Variants in MON1B observed in about 807,000 individuals in gnomAD.
MON1B encodes MON1 vesicular trafficking associated B, also known as vacuolar fusion protein MON1 homolog B.
Under a neutral mutation model 45.1 loss-of-function variants are expected in MON1B, and 26 were observed. The ratio of observed to expected loss-of-function variants is 0.58; its 90% CI spans 0.42 to 0.80. MON1B has a LOEUF of 0.80. MON1B is among the 30% of genes least tolerant of loss of function. The pLI, the probability that MON1B is intolerant of heterozygous loss-of-function variation, is 0.00. For missense variants in MON1B, 737 were observed against 754.5 expected, an observed-to-expected ratio of 0.98 and a Z score of 0.27; for synonymous variants, 395 against 320.2, an observed-to-expected ratio of 1.23 and a Z score of -2.49.
At position 77,201,029 on chromosome 16, in the gene MON1B, A is replaced by G. The variant is rs1311493953; in HGVS notation, c.*2721A>G. 6.6e-6 allele frequency: 1 copy of G among 152,200 alleles called. No individual in the cohort carries two copies. Among genetic ancestry groups the G allele is most frequent in the East Asian group, 1.9e-4 (1 of 5,188 alleles). 9.4% of individuals were successfully genotyped at this position (152,200 alleles called of 1,614,324 possible). ...CATCCTGCCAGACCTACCCATACAG[A>G]CATCAAAGTAATGATTATTGCTTAT... On this transcript the variant is annotated 3_prime_UTR_variant, in exon 6 of 6. Transcript: ENST00000248248.
chr16:77,191,191 A>G lies in MON1B; in HGVS notation c.-78A>G. On this transcript the variant is annotated 5_prime_UTR_variant, in exon 1 of 6. Transcript: ENST00000248248. ...TGGCACCTCCCGGGCCGCACCCGGAAGTGTGATGCCACCGCCGCTACGGGG... is the reference window on the plus strand; with the variant it reads ...TGGCACCTCCCGGGCCGCACCCGGAGGTGTGATGCCACCGCCGCTACGGGG... The G allele has an allele frequency of 6.5e-7, 1 of 1,535,496 alleles. No homozygotes were observed.
At position 77,202,278 on chromosome 16, in the gene MON1B, T is replaced by C. The variant is rs1044604240; in HGVS notation, c.*3970T>C. On this transcript the variant is annotated 3_prime_UTR_variant, in exon 6 of 6. Coordinates refer to ENST00000248248, the MANE Select transcript of MON1B (RefSeq NM_014940.4). Reference sequence around the variant, plus strand: ...AGTGGGTCAAGATGTCTGCAACTTATTGTTCAGAATCACTCACAAATGGGA... The same window carrying C: ...AGTGGGTCAAGATGTCTGCAACTTACTGTTCAGAATCACTCACAAATGGGA... 1 of 152,192 alleles carries C rather than the reference T, an allele frequency of 6.6e-6. No homozygotes were observed. The highest frequency in any genetic ancestry group is 2.4e-5 in the African/African-American group (1 of 41,446). The allele number at this position is 152,192 out of a possible 1,614,324, so 9.4% of individuals were successfully genotyped here. A position where few individuals can be genotyped will look rare whatever the true frequency, so the allele number is the denominator to read the frequency against.
rs375550947 is a variant in MON1B, at chr16:77,191,580, G to A, written c.95G>A (p.Gly32Glu). The change falls in exon 2 of 6, where the codon GGA (glycine) becomes GAA (glutamate). Residue 32 changes from glycine to glutamate, a missense_variant. Transcript: ENST00000248248. Reference sequence around the variant, plus strand: ...CCCAGTGAGGAAGCTAGAGAAGGTGGAGGGGTTCACGCGGTCCCGCCGGAT... The same window carrying A: ...CCCAGTGAGGAAGCTAGAGAAGGTGAAGGGGTTCACGCGGTCCCGCCGGAT... Reference protein sequence around the residue: ...QFPSEEAREGGGVHAVPPDPE... With the variant: ...QFPSEEAREGEGVHAVPPDPE... The A allele has an allele frequency of 5.6e-6, 9 of 1,610,620 alleles. No individual in the cohort carries two copies. The highest frequency in any genetic ancestry group is 7.6e-6 in the Non-Finnish European group (9 of 1,179,110).
chr16:77,195,206 G>C (rs2054653562), intron 4 of MON1B, 52 bp downstream of exon 4: 15 of 1,448,038 alleles, frequency 1.0e-5, no homozygotes, highest in Non-Finnish European at 1.4e-5. Context: ...TGTCAAACCA[G>C]GAAGTTCAGC....
rs115380500 is a variant in MON1B at position 77,195,990 on chromosome 16, G to A, written c.1443+308G>A. On this transcript the variant is annotated intron_variant, in intron 5 of 5. Coordinates refer to ENST00000248248, the MANE Select transcript of MON1B (RefSeq NM_014940.4). Reference sequence around the variant, plus strand: ...CACTGCTGTGCCTGCCGATTCCCCAGTAGCCCAATCCATGTGTTTGGAGGC... The same window carrying A: ...CACTGCTGTGCCTGCCGATTCCCCAATAGCCCAATCCATGTGTTTGGAGGC... Among the ~76,000 whole-genome samples, 686 of 152,298 alleles carry A rather than the reference G, an allele frequency of 4.5e-3. 4 individuals carry two copies. Among genetic ancestry groups the A allele is most frequent in the African/African-American group, 0.016 (647 of 41,558 alleles).
At chr16:77,196,837 A>G (rs2054670099) in intron 5 of MON1B, among the ~76,000 whole-genome samples, 1 of 152,094 alleles carries the variant, frequency 6.6e-6, no homozygotes, top group Non-Finnish European at 1.5e-5. Flanking sequence ...TTCTATCAAT[A>G]TTGTCTCATG....
In MON1B at chr16:77,198,825, C is replaced by CT. The variant is rs1011342212; in HGVS notation, c.*523dup. ...AGGATATTCCTTTGCCCTTCTTGTA[C>CT]TTTTTTCATCTTTACCCTGCCAGAA... is the stretch of plus-strand genomic sequence containing the variant. On this transcript the variant is annotated 3_prime_UTR_variant, in exon 6 of 6. Coordinates refer to ENST00000248248, the MANE Select transcript of MON1B (RefSeq NM_014940.4). The CT allele has an allele frequency of 6.0e-6, 1 of 165,714 alleles. No individual in the cohort carries two copies. Among genetic ancestry groups the CT allele is most frequent in the East Asian group, 1.7e-4 (1 of 5,928 alleles). 10.3% of individuals were successfully genotyped at this position (165,714 alleles called of 1,614,324 possible).
intron 2 of MON1B, 66 bp downstream of exon 2, chr16:77,191,699 G>T (rs2054616931): frequency 2.0e-6 from 3 of 1,515,350 alleles, no homozygotes; most frequent in Non-Finnish European, 1.8e-6. Context: ...GACGGGGGAA[G>T]GGTCAGTGGG....
rs1453794700 is a variant in MON1B, at chr16:77,191,500, A to C, written c.15A>C (p.Gly5=). The C allele has an allele frequency of 6.2e-7, 1 of 1,604,196 alleles. No homozygotes were observed. The highest frequency in any genetic ancestry group is 1.3e-5 in the African/African-American group (1 of 74,192). The part of the protein sequence containing the change: MEVG[G]DTAAPAPGGA... ...GGGATGTGCAGATGGAGGTCGGAGG[A>C]GACACTGCTGCCCCGGCCCCCGGGG... is the stretch of plus-strand genomic sequence containing the variant. The change falls in exon 2 of 6, where the codon GGA becomes GGC. Residue 5 remains glycine, a synonymous_variant. Coordinates refer to ENST00000248248, the MANE Select transcript of MON1B (RefSeq NM_014940.4).
rs2054708996 is a variant in MON1B, at chr16:77,199,644, G to A, written c.*1336G>A. 1.3e-6 allele frequency: 1 copy of A among 771,738 alleles called. No homozygotes were observed. The highest frequency in any genetic ancestry group is 2.1e-6 in the Non-Finnish European group (1 of 483,552). 47.8% of individuals were successfully genotyped at this position (771,738 alleles called of 1,614,324 possible). ...ATAAAATGTTAAGCCTTTTGTTATT[G>A]AAGAAAAACAATTTTTTAACCGTTC... is the stretch of plus-strand genomic sequence containing the variant. On this transcript the variant is annotated 3_prime_UTR_variant, in exon 6 of 6. Coordinates refer to ENST00000248248, the MANE Select transcript of MON1B (RefSeq NM_014940.4).
rs187150885 is a variant in MON1B, at chr16:77,202,011, G to C, written c.*3703G>C. The C allele has an allele frequency of 6.6e-6, 1 of 152,140 alleles. No individual in the cohort carries two copies. The highest frequency in any genetic ancestry group is 1.5e-5 in the Non-Finnish European group (1 of 68,026). The allele number at this position is 152,140 out of a possible 1,614,324, so 9.4% of individuals were successfully genotyped here. ...ACTCTGGACAAGGAATTTGGATTTT[G>C]GGAGTAGTGCAGAGGTAGAGGCATT... On this transcript the variant is annotated 3_prime_UTR_variant, in exon 6 of 6. Coordinates refer to ENST00000248248, the MANE Select transcript of MON1B (RefSeq NM_014940.4).
intron 5 of MON1B, 104 bp downstream of exon 5, chr16:77,195,786 C>T (rs2054659807): frequency 7.0e-7 from 1 of 1,428,928 alleles, no homozygotes; most frequent in Non-Finnish European, 9.6e-7. Flanking sequence ...CACAGCAGGC[C>T]TCTGGCTGGG....
In MON1B at chr16:77,194,966, G is replaced by C. The variant is rs761980981; in HGVS notation, c.1107G>C (p.Leu369=). 1 of 1,613,924 alleles carries C rather than the reference G, an allele frequency of 6.2e-7. No individual in the cohort carries two copies. The highest frequency in any genetic ancestry group is 1.7e-4 in the Middle Eastern group (1 of 6,060). ...ATGCCATGGCCGCCTGCCGGCGCCT[G>C]GTTGAAGATGGGATGCATGCCCTTG... is the stretch of plus-strand genomic sequence containing the variant. The part of the protein sequence containing the change: ...AFHAMAACRR[L]VEDGMHALGA... The change falls in exon 4 of 6, where the codon CTG becomes CTC. Residue 369 remains leucine, a synonymous_variant. Transcript: ENST00000248248. The surrounding 1 kb of genome is among the most constrained non-coding windows in gnomAD (Gnocchi z 8.1).
rs1309438390 is a variant in MON1B at position 77,194,852 on chromosome 16, C to A, written c.993C>A (p.Asn331Lys). The change falls in exon 4 of 6, where the codon AAC becomes AAA. Residue 331 changes from asparagine (N) to lysine (K), a missense_variant. Asn to Lys is a moderately conservative substitution (Grantham distance 94, BLOSUM62 0). Transcript: ENST00000248248. The surrounding 1 kb of genome is among the most constrained non-coding windows in gnomAD (Gnocchi z 8.1). ...AWAPVCLPRF[N>K]PDGFFYAYVA... ...CACCTGTGTGCCTGCCCCGCTTCAA[C>A]CCTGATGGTTTTTTCTACGCCTACG... 1.9e-6 allele frequency: 3 copies of A among 1,611,262 alleles called. No homozygotes were observed. The highest frequency in any genetic ancestry group is 2.5e-6 in the Non-Finnish European group (3 of 1,180,018).
chr16:77,195,755 A>C (rs1567419839), intron 5 of MON1B, 73 bp downstream of exon 5: 8 of 1,557,236 alleles, frequency 5.1e-6, no homozygotes, highest in Non-Finnish European at 7.0e-6. Context: ...TATCCCCTCC[A>C]GCCACAGTGC....
rs560508471 is a variant in MON1B, at chr16:77,193,493, C to T, written c.191C>T (p.Pro64Leu). 2 of 1,598,324 alleles carry T rather than the reference C, an allele frequency of 1.3e-6. No homozygotes were observed. The highest frequency in any genetic ancestry group is 1.1e-5 in the South Asian group (1 of 88,802). Residue 64 changes from proline to leucine, a missense_variant, in exon 3 of 6, where the codon CCC becomes CTC. Physicochemically the swap from Pro to Leu is moderately conservative, Grantham distance 98 (BLOSUM62 -3). Coordinates refer to ENST00000248248, the MANE Select transcript of MON1B (RefSeq NM_014940.4). The surrounding 1 kb of genome is among the most constrained non-coding windows in gnomAD (Gnocchi z 5.0). ...CAGCCACCCAGCCCATCACCACCGC[C>T]CCAGTCAGAGGCCCTGTCAAGCACC... is the stretch of plus-strand genomic sequence containing the variant. Reference protein sequence around the residue: ...KDQPPSPSPPPQSEALSSTSR... With the variant: ...KDQPPSPSPPLQSEALSSTSR...
rs2054631257 is a variant in MON1B at position 77,193,203 on chromosome 16, T to C, written c.149-248T>C. Among the ~76,000 whole-genome samples, 1 of 152,054 alleles carries C rather than the reference T, an allele frequency of 6.6e-6. No individual in the cohort carries two copies. Among genetic ancestry groups the C allele is most frequent in the East Asian group, 1.9e-4 (1 of 5,188 alleles). On this transcript the variant is annotated intron_variant, in intron 2 of 5. Transcript: ENST00000248248. This position sits in a 1 kb window ranked among gnomAD's most constrained non-coding sequence, Gnocchi z 5.0. ...GTCTGTAGGAACATAGCAAGTCCAG[T>C]GGAATAACAATGAGAATATGTTGGT...
At position 77,193,028 on chromosome 16, in the gene MON1B, A is replaced by C. The variant is rs560406101; in HGVS notation, c.149-423A>C. 6.6e-6 allele frequency among the ~76,000 whole-genome samples: 1 copy of C among 152,180 alleles called. No homozygotes were observed. Among genetic ancestry groups the C allele is most frequent in the East Asian group, 1.9e-4 (1 of 5,170 alleles). ...AACAGTTAAGATATTAATAGATGTT[A>C]ATGGTGGCCATTGGGTGAGCAGATA... On this transcript the variant is annotated intron_variant, in intron 2 of 5. Coordinates refer to ENST00000248248, the MANE Select transcript of MON1B (RefSeq NM_014940.4). The surrounding 1 kb of genome is among the most constrained non-coding windows in gnomAD (Gnocchi z 5.0).
intron 4 of MON1B, 97 bp from the exon 5 acceptor site, chr16:77,195,438 C>T: frequency 1.4e-6 from 2 of 1,405,246 alleles, no homozygotes; most frequent in Non-Finnish European, 9.5e-7. Context: ...AGGCTCAGCT[C>T]CCTAACTTCA....
Sources: allele counts gnomAD v4.1 joint callset (sites outside exome capture counted in the v4.1 genomes callset), GRCh38; gene constraint gnomAD v4.1.1; non-coding constraint Gnocchi (gnomAD v3.1); transcripts MANE v1.5; gene names NCBI Gene and HGNC (gene_info 2026-07-23, HGNC 2026-07-21).